Variants in CCDC149 observed in about 807,000 individuals in gnomAD.
CCDC149 encodes coiled-coil domain-containing protein 149.
CCDC149 carries 45 observed loss-of-function variants against 59.9 expected under a neutral mutation model. The observed-to-expected ratio is 0.75, with a 90% CI of 0.59 to 0.96. The LOEUF (loss-of-function observed/expected upper bound fraction) is 0.96, where lower values mean the gene tolerates loss of function less well. Ranked by LOEUF, CCDC149 falls within the 40% of genes least tolerant of loss-of-function variation. CCDC149 has a pLI of 0.00. For synonymous variants in CCDC149, 245 were observed against 260.6 expected (o/e 0.94, Z 0.58); for missense variants, 584 against 664.7 (o/e 0.88, Z 1.33).
chr4:24,841,700 C>T (rs1168305105), intron 4 of CCDC149, among the ~76,000 whole-genome samples: 1 of 152,210 alleles, frequency 6.6e-6, no homozygotes, highest in East Asian at 1.9e-4. Context: ...CACCTAGGGC[C>T]TGCATCCTGG....
intron 1 of CCDC149, among the ~76,000 whole-genome samples, chr4:24,945,166 C>T (rs1723072174): frequency 6.6e-6 from 1 of 152,196 alleles, no homozygotes; most frequent in South Asian, 2.1e-4. Flanking sequence ...TGAGAATTTG[C>T]ACTACCCAGG....
upstream of CCDC149, among the ~76,000 whole-genome samples, chr4:24,914,385 GAA>G (rs201825269): frequency 0.85 from 102,510 of 120,258 alleles, 43,176 homozygotes; most frequent in Non-Finnish European, 0.91. Context: ...TGTGTTACCA[GAA>G]AAAAAAAAAA....
chr4:24,818,670 GCCTCAGCT>G (rs1368251870), intron 12 of CCDC149, among the ~76,000 whole-genome samples: 8 of 152,160 alleles, frequency 5.3e-5, no homozygotes, highest in African/African-American at 1.9e-4. Flanking sequence ...ATGGCTGGAG[GCCTCAGCT>G]CCACACCACA....
chr4:24,954,026 G>A (rs1223559734), intron 1 of CCDC149, among the ~76,000 whole-genome samples: 1 of 151,950 alleles, frequency 6.6e-6, no homozygotes, highest in Admixed American at 6.6e-5. Context: ...AAAAAAAAGT[G>A]AACAAAGCCT....
chr4:24,942,163 C>A (rs1722973051), intron 1 of CCDC149, among the ~76,000 whole-genome samples: 3 of 152,140 alleles, frequency 2.0e-5, no homozygotes, highest in South Asian at 4.1e-4. Flanking sequence ...TACTGGCAAA[C>A]CAAATCCAGC....
intron 1 of CCDC149, among the ~76,000 whole-genome samples, chr4:24,945,124 G>C (rs73250636): frequency 0.068 from 10,332 of 152,258 alleles, 397 homozygotes; most frequent in Middle Eastern, 0.1. Context: ...CCACTCCCAG[G>C]CTTGTTGACC....
chr4:24,945,806 G>T (rs1166446021), intron 1 of CCDC149, among the ~76,000 whole-genome samples: 1 of 152,020 alleles, frequency 6.6e-6, no homozygotes. Context: ...ATTTTTAGTA[G>T]AGATGGGGTT....
At chr4:24,889,867 T>C (rs1369251204) in intron 1 of CCDC149, among the ~76,000 whole-genome samples, 1 of 152,160 alleles carries the variant, frequency 6.6e-6, no homozygotes, top group Non-Finnish European at 1.5e-5. Context: ...CTATTACTAA[T>C]GAGGCCCACT....
At chr4:24,950,993 C>A (rs1723270126) in intron 1 of CCDC149, among the ~76,000 whole-genome samples, 1 of 152,216 alleles carries the variant, frequency 6.6e-6, no homozygotes, top group Non-Finnish European at 1.5e-5. Context: ...AGCTCAGCAT[C>A]TATGTATCTT....
At chr4:24,956,313 T>C (rs1358482243) in intron 1 of CCDC149, among the ~76,000 whole-genome samples, 4 of 152,116 alleles carry the variant, frequency 2.6e-5, no homozygotes, top group Non-Finnish European at 5.9e-5. Context: ...TGACCCTCTA[T>C]TAACATATGT....
chr4:24,833,464 C>T (rs575899970), intron 8 of CCDC149, among the ~76,000 whole-genome samples: 2 of 152,154 alleles, frequency 1.3e-5, no homozygotes, highest in African/African-American at 4.8e-5. Context: ...TCTCTACTAA[C>T]AACACAAAAA....
intron 3 of CCDC149, among the ~76,000 whole-genome samples, chr4:24,872,331 G>A (rs913917473): frequency 6.6e-6 from 1 of 152,188 alleles, no homozygotes; most frequent in Non-Finnish European, 1.5e-5. Context: ...AGTGTGAAGT[G>A]GCAGAACCTA....
chr4:24,917,315 G>A (rs940118203), upstream of CCDC149, among the ~76,000 whole-genome samples: 1 of 152,232 alleles, frequency 6.6e-6, no homozygotes, highest in Admixed American at 6.5e-5. Context: ...GGCAGCAGGG[G>A]GTGGAAGGAA....
At chr4:24,980,082 C>G (rs1004516268) in exon 1 of CCDC149, 2 of 152,176 alleles carry the variant, frequency 1.3e-5, no homozygotes, top group African/African-American at 2.4e-5. Flanking sequence ...ACGTTCACAT[C>G]GCTTCACAAG....
chr4:24,880,005 G>A (rs538017925), intron 1 of CCDC149, among the ~76,000 whole-genome samples: 2 of 152,326 alleles, frequency 1.3e-5, no homozygotes, highest in East Asian at 3.9e-4. Context: ...ATTCCGGTGA[G>A]TGTCTGTGCC....
chr4:24,913,118 G>A (rs1199520818), upstream of CCDC149, among the ~76,000 whole-genome samples: 2 of 150,790 alleles, frequency 1.3e-5, no homozygotes, highest in African/African-American at 4.8e-5. Flanking sequence ...GCCCCGCCGG[G>A]CCCGCCCCGC....
intron 4 of CCDC149, among the ~76,000 whole-genome samples, chr4:24,842,035 T>G (rs544563157): frequency 2.0e-5 from 3 of 152,268 alleles, no homozygotes; most frequent in Non-Finnish European, 2.9e-5. Flanking sequence ...TATTCTATTT[T>G]TACATAATAC....
At chr4:24,888,341 G>A (rs1720322981) in intron 1 of CCDC149, among the ~76,000 whole-genome samples, 1 of 152,004 alleles carries the variant, frequency 6.6e-6, no homozygotes, top group South Asian at 2.1e-4. Context: ...AGGCCTAAAT[G>A]TCTAAATCTC....
intron 12 of CCDC149, among the ~76,000 whole-genome samples, chr4:24,818,572 C>T (rs1211736164): frequency 6.6e-6 from 1 of 152,148 alleles, no homozygotes; most frequent in Non-Finnish European, 1.5e-5. Flanking sequence ...CATGAGGCGC[C>T]CATGAAAAGC....
Sources: allele counts gnomAD v4.1 joint callset (sites outside exome capture counted in the v4.1 genomes callset), GRCh38; gene constraint gnomAD v4.1.1; transcripts MANE v1.5; gene names NCBI Gene and HGNC (gene_info 2026-07-23, HGNC 2026-07-21).